The following LOXL2 variants were observed in gnomAD, a reference collection of about 807,000 sequenced individuals.
LOXL2 encodes lysyl oxidase homolog 2.
A neutral mutation model predicts 93.0 loss-of-function variants in LOXL2; 70 were observed. The ratio of observed to expected loss-of-function variants is 0.75; its 90% CI spans 0.62 to 0.92. The LOEUF (loss-of-function observed/expected upper bound fraction) is 0.92. Ranked by LOEUF, LOXL2 falls within the 40% of genes least tolerant of loss-of-function variation. LOXL2 has a pLI of 0.00. For synonymous variants in LOXL2, 438 were observed against 413.2 expected (o/e 1.06, Z -0.73); for missense variants, 973 against 1,054.9 (o/e 0.92, Z 1.08).
chr8:23,391,806 G>A (rs1804848847), intron 1 of LOXL2, among the ~76,000 whole-genome samples: 1 of 152,196 alleles, frequency 6.6e-6, no homozygotes, highest in African/African-American at 2.4e-5. Flanking sequence ...CTGAGGTCAG[G>A]AGGGGTTTGG....
intron 1 of LOXL2, among the ~76,000 whole-genome samples, chr8:23,380,168 G>T (rs1177598746): frequency 6.6e-6 from 1 of 152,088 alleles, no homozygotes; most frequent in Non-Finnish European, 1.5e-5. Flanking sequence ...GACAAGGCAG[G>T]CGGATCACGA....
rs540529519 is a variant in LOXL2, at chr8:23,328,396, G to A, written c.1136C>T (p.Ser379Phe). 6.2e-6 allele frequency: 10 copies of A among 1,613,878 alleles called. No homozygotes were observed. The South Asian group carries it at 1.1e-4, about 18-fold the overall frequency. ...FGSAKEAVTG[S>F]RLGQGIGPIH... ...CCATTCCTTACCTTGCCCCAGTCGG[G>A]AGCCAGTGACTGCCTCTTTGGCACT... Residue 379 changes from serine to phenylalanine, a missense_variant, in exon 6 of 14, where the codon TCC becomes TTC. Physicochemically the swap from Ser to Phe is radical, Grantham distance 155 (BLOSUM62 -2). Transcript: ENST00000389131.
At chr8:23,377,178 T>C (rs1334592739) in intron 1 of LOXL2, among the ~76,000 whole-genome samples, 1 of 152,208 alleles carries the variant, frequency 6.6e-6, no homozygotes, top group Non-Finnish European at 1.5e-5. Flanking sequence ...TCTTTATTTC[T>C]GCCTTCATTT....
Position 23,297,730 on chromosome 8 carries a change from G to GCGT in LOXL2, c.*312_*313insACG. 1 of 225,462 alleles carries GCGT rather than the reference G, an allele frequency of 4.4e-6. No individual in the cohort carries two copies. The highest frequency in any genetic ancestry group is 1.2e-4 in the South Asian group (1 of 8,014). The allele number at this position is 225,462 out of a possible 1,614,324, so 14.0% of individuals were successfully genotyped here. A position where few individuals can be genotyped will look rare whatever the true frequency, so the allele number is the denominator to read the frequency against. On this transcript the variant is annotated 3_prime_UTR_variant, in exon 14 of 14. Transcript: ENST00000389131. ...TGTGGTGAGCTCGGTGGCTTGAATG[G>GCGT]GACAAGCTGATGACAACCTGTCTGT...
intron 4 of LOXL2, among the ~76,000 whole-genome samples, chr8:23,337,933 A>G (rs1312091312): frequency 1.3e-5 from 2 of 152,298 alleles, no homozygotes; most frequent in East Asian, 1.9e-4. Flanking sequence ...ACTGGAGGGT[A>G]TTAGTCCATT....
chr8:23,303,499 G>A (rs1803175323), intron 10 of LOXL2, 102 bp from the exon 11 acceptor site: 1 of 700,552 alleles, frequency 1.4e-6, no homozygotes, highest in South Asian at 1.6e-5. Context: ...ACTTCCAGGG[G>A]ACCAGAGGGG....
At chr8:23,329,426 G>C (rs1441132345) in intron 5 of LOXL2, among the ~76,000 whole-genome samples, 1 of 152,220 alleles carries the variant, frequency 6.6e-6, no homozygotes, top group Non-Finnish European at 1.5e-5. Context: ...TTAGACAGGA[G>C]TAAGACTCTC....
intron 9 of LOXL2, among the ~76,000 whole-genome samples, 187 bp from the exon 10 acceptor site, chr8:23,310,098 C>T (rs1223830725): frequency 6.6e-6 from 1 of 152,180 alleles, no homozygotes; most frequent in Non-Finnish European, 1.5e-5. Context: ...TGCTGTGAGT[C>T]CTCTTTGACA....
At chr8:23,360,385 G>T in intron 2 of LOXL2, 120 bp from the exon 3 acceptor site, 1 of 667,500 alleles carries the variant, frequency 1.5e-6, no homozygotes, top group Non-Finnish European at 2.5e-6. Context: ...GCTGTGTGTG[G>T]CCATCCATTT....
intron 1 of LOXL2, among the ~76,000 whole-genome samples, chr8:23,392,960 T>C (rs1262513224): frequency 1.3e-5 from 2 of 152,122 alleles, no homozygotes; most frequent in Non-Finnish European, 2.9e-5. Flanking sequence ...CCATTTACAA[T>C]AGCATCAAAA....
At chr8:23,383,817 C>A (rs368182403) in intron 1 of LOXL2, among the ~76,000 whole-genome samples, 5 of 151,640 alleles carry the variant, frequency 3.3e-5, no homozygotes, top group African/African-American at 7.3e-5. Context: ...CCCGCCACCA[C>A]GCCCGGCTAA....
intron 9 of LOXL2, among the ~76,000 whole-genome samples, chr8:23,310,616 T>C (rs1458986225): frequency 1.3e-5 from 2 of 152,264 alleles, no homozygotes; most frequent in Non-Finnish European, 2.9e-5. Context: ...AATCTGTGCA[T>C]ATAACTTATT....
chr8:23,341,086 T>C lies in LOXL2; in HGVS notation c.649A>G (p.Ile217Val). The change falls in exon 4 of 14, where the codon ATC becomes GTC. Residue 217 changes from isoleucine (I) to valine (V), a missense_variant. Ile to Val is a conservative substitution (Grantham distance 29). Coordinates refer to ENST00000389131, the MANE Select transcript of LOXL2 (RefSeq NM_002318.3). ...EVKEGKTWKQ[I>V]CDKHWTAKNS... ...TTGGCCGTCCAGTGCTTGTCACAGA[T>C]CTGCTTCCAGGTCTTGCCCTCCTTC... 1 of 1,614,062 alleles carries C rather than the reference T, an allele frequency of 6.2e-7. No homozygotes were observed. The highest frequency in any genetic ancestry group is 1.7e-4 in the Middle Eastern group (1 of 6,010).
chr8:23,331,848 C>G (rs1016065626), intron 5 of LOXL2: 4 of 151,836 alleles, frequency 2.6e-5, no homozygotes, highest in Non-Finnish European at 5.9e-5. Flanking sequence ...CTAGCCTGGC[C>G]AACATGGTGA....
intron 4 of LOXL2, among the ~76,000 whole-genome samples, chr8:23,338,660 A>C (rs1803834939): frequency 6.6e-6 from 1 of 152,172 alleles, no homozygotes; most frequent in African/African-American, 2.4e-5. Flanking sequence ...AGGAAGAGGG[A>C]AAGGGACATG....
intron 2 of LOXL2, chr8:23,363,907 C>T (rs1208838456): frequency 6.6e-6 from 1 of 152,268 alleles, no homozygotes; most frequent in Non-Finnish European, 1.5e-5. Context: ...CAGTGTCTCA[C>T]TCTGTCACTC....
chr8:23,368,441 G>C lies in LOXL2; in HGVS notation c.-83-7C>G, dbSNP rs1277026046. On this transcript the variant is annotated splice_polypyrimidine_tract_variant and splice_region_variant and intron_variant, in intron 1 of 13. Coordinates refer to ENST00000389131, the MANE Select transcript of LOXL2 (RefSeq NM_002318.3). ...CAGAAGCAGCAGGAGCTTTCTGGAAGAGAGGAGAGATGCGTTAGGATGGGA... is the reference window on the plus strand; with the variant it reads ...CAGAAGCAGCAGGAGCTTTCTGGAACAGAGGAGAGATGCGTTAGGATGGGA... 1 of 1,089,552 alleles carries C rather than the reference G, an allele frequency of 9.2e-7. No individual in the cohort carries two copies. The highest frequency in any genetic ancestry group is 1.9e-5 in the Admixed American group (1 of 53,258). The allele number at this position is 1,089,552 out of a possible 1,614,324, so 67.5% of individuals were successfully genotyped here.
chr8:23,386,151 C>A, intron 1 of LOXL2: 1 of 690,978 alleles, frequency 1.4e-6, no homozygotes, highest in Non-Finnish European at 2.6e-6. Context: ...GATACCAGAG[C>A]AGACACCCTT....
At chr8:23,367,163 C>T (rs535612456) in intron 2 of LOXL2, among the ~76,000 whole-genome samples, 1 of 152,296 alleles carries the variant, frequency 6.6e-6, no homozygotes, top group South Asian at 2.1e-4. Flanking sequence ...ATTTTTGTGC[C>T]TTAGCCTCCT....
Sources: allele counts gnomAD v4.1 joint callset (sites outside exome capture counted in the v4.1 genomes callset), GRCh38; gene constraint gnomAD v4.1.1; transcripts MANE v1.5; gene names NCBI Gene and HGNC (gene_info 2026-07-23, HGNC 2026-07-21).